The following DAG1 variants were observed in gnomAD, a reference collection of about 807,000 sequenced individuals.
DAG1 encodes the protein dystroglycan 1 (dystrophin-associated glycoprotein 1).
Under a neutral mutation model 46.1 loss-of-function variants are expected in DAG1, and 8 were observed. That is an observed-to-expected ratio of 0.17 (90% CI 0.10 to 0.31). The LOEUF is 0.31. Among genes scored for constraint, DAG1 ranks in the 10% least tolerant of loss-of-function variants. The pLI is 1.00. For synonymous variants in DAG1, 495 were observed against 481.8 expected, an observed-to-expected ratio of 1.03 and a Z score of -0.36; for missense variants, 1,003 against 1,189.9, an observed-to-expected ratio of 0.84 and a Z score of 2.31.
chr3:49,473,120 A>C (rs1186608016), intron 1 of DAG1, among the ~76,000 whole-genome samples: 1 of 144,268 alleles, frequency 6.9e-6, no homozygotes, highest in Non-Finnish European at 1.5e-5. Context: ...AATAAAAAAT[A>C]AAACAAAACA....
intron 2 of DAG1, among the ~76,000 whole-genome samples, chr3:49,522,465 C>A (rs1306637490): frequency 1.5e-5 from 2 of 136,824 alleles, no homozygotes; most frequent in Non-Finnish European, 3.2e-5. Flanking sequence ...CGCCCGCCCC[C>A]CTCCCACCCC....
chr3:49,525,713 C>T (rs1169584124), intron 2 of DAG1, among the ~76,000 whole-genome samples: 5 of 152,020 alleles, frequency 3.3e-5, no homozygotes, highest in Middle Eastern at 3.4e-3. Flanking sequence ...CGCCCGCCAC[C>T]TCGCCCCGCT....
At chr3:49,482,163 T>C (rs2049902811) in intron 1 of DAG1, among the ~76,000 whole-genome samples, 1 of 152,186 alleles carries the variant, frequency 6.6e-6, no homozygotes, top group Non-Finnish European at 1.5e-5. Context: ...GTCATCGCTA[T>C]TCTCTAGTCT....
intron 1 of DAG1, among the ~76,000 whole-genome samples, chr3:49,500,268 C>T (rs909500444): frequency 1.3e-5 from 2 of 152,140 alleles, no homozygotes; most frequent in East Asian, 1.9e-4. Flanking sequence ...GCCTCAGCCT[C>T]CAAAGTGCTG....
At position 49,524,062 on chromosome 3, in the gene DAG1, A is replaced by C. The variant is rs764215119; in HGVS notation, c.286-6735A>C. Among the ~76,000 whole-genome samples the C allele has an allele frequency of 2.2e-4, 33 of 152,210 alleles. 1 individual carries two copies. The highest frequency in any genetic ancestry group is 2.2e-3 in the Admixed American group (33 of 15,276). Reference sequence around the variant, plus strand: ...GAAGAAGAGAAGTGATCCAGAGCCTATAAGTTTTGAAAGCTGAGGAGGTAT... The same window carrying C: ...GAAGAAGAGAAGTGATCCAGAGCCTCTAAGTTTTGAAAGCTGAGGAGGTAT... On this transcript the variant is annotated intron_variant, in intron 2 of 2. Transcript: ENST00000308775.
chr3:49,489,599 G>A (rs1268479857), intron 1 of DAG1, among the ~76,000 whole-genome samples: 1 of 152,114 alleles, frequency 6.6e-6, no homozygotes, highest in African/African-American at 2.4e-5. Flanking sequence ...GAAGGTTCCT[G>A]GGAAGGGAAG....
rs1175841015 is a variant in DAG1, at chr3:49,534,510, TAAAA to T, written c.*1316_*1319del. 2.6e-5 allele frequency: 4 copies of T among 152,446 alleles called. No individual in the cohort carries two copies. Among genetic ancestry groups the T allele is most frequent in the Non-Finnish European group, 5.9e-5 (4 of 67,998 alleles). The allele number at this position is 152,446 out of a possible 1,614,324, so 9.4% of individuals were successfully genotyped here. A position where few individuals can be genotyped will look rare whatever the true frequency, so the allele number is the denominator to read the frequency against. On this transcript the variant is annotated 3_prime_UTR_variant, in exon 3 of 3. Coordinates refer to ENST00000308775, the MANE Select transcript of DAG1 (RefSeq NM_004393.6). The stretch of plus-strand genomic sequence containing the variant: ...TTTATACAGCCTCAAATTGTTTTAT[TAAAA>T]AAAAGATTTAAAATGGTGATGCTTA...
intron 1 of DAG1, among the ~76,000 whole-genome samples, chr3:49,504,974 T>TTC (rs1559561063): frequency 1.2e-4 from 5 of 41,130 alleles, no homozygotes; most frequent in African/African-American, 2.6e-4. Context: ...TCTTCTTCTT[T>TTC]TTTTTTTTTT....
intron 1 of DAG1, among the ~76,000 whole-genome samples, chr3:49,496,342 T>A (rs574596798): frequency 6.8e-6 from 1 of 147,450 alleles, no homozygotes; most frequent in Admixed American, 7.3e-5. Flanking sequence ...GCCAATTTTT[T>A]AAATTTTTAA....
At position 49,531,895 on chromosome 3, in the gene DAG1, G is replaced by T. The variant is rs959939471; in HGVS notation, c.1384G>T (p.Val462Phe). 1.9e-6 allele frequency: 3 copies of T among 1,614,074 alleles called. No individual in the cohort carries two copies. The highest frequency in any genetic ancestry group is 1.3e-5 in the African/African-American group (1 of 74,982). Residue 462 changes from valine to phenylalanine, a missense_variant, in exon 3 of 3, where the codon GTC becomes TTC. This residue lies in a region of DAG1 where 755 missense variants were observed against 854.1 expected (regional missense o/e 0.88). Coordinates refer to ENST00000308775, the MANE Select transcript of DAG1 (RefSeq NM_004393.6). This position sits in a 1 kb window ranked among gnomAD's most constrained non-coding sequence, Gnocchi z 7.0. ...KPRTPRPVPR[V>F]TTKVSITRLE... Reference sequence around the variant, plus strand: ...ACGGACACCCCGGCCAGTGCCCCGGGTCACCACCAAAGTTTCCATCACCAG... The same window carrying T: ...ACGGACACCCCGGCCAGTGCCCCGGTTCACCACCAAAGTTTCCATCACCAG...
At chr3:49,484,863 C>A (rs919386336) in intron 1 of DAG1, among the ~76,000 whole-genome samples, 4 of 151,554 alleles carry the variant, frequency 2.6e-5, no homozygotes, top group African/African-American at 9.7e-5. Context: ...ATGGCACGAT[C>A]TCTGCTCACT....
At chr3:49,495,145 A>G (rs1055546290) in intron 1 of DAG1, among the ~76,000 whole-genome samples, 36 of 152,260 alleles carry the variant, frequency 2.4e-4, no homozygotes, top group African/African-American at 8.2e-4. Flanking sequence ...CTGATCATCC[A>G]GCCCCCACAG....
At chr3:49,528,409 C>T (rs7638643) in intron 2 of DAG1, among the ~76,000 whole-genome samples, 21,061 of 149,626 alleles carry the variant, frequency 0.14, 1,645 homozygotes, top group Middle Eastern at 0.17. Flanking sequence ...ATCAGCCTCC[C>T]GACTAGCTGG....
intron 2 of DAG1, 29 bp from the exon 3 acceptor site, chr3:49,530,768 T>G (rs1197016311): frequency 1.2e-6 from 2 of 1,614,180 alleles, no homozygotes; most frequent in Non-Finnish European, 1.7e-6. Context: ...GACAATAGTA[T>G]TTTTAATTTA....
intron 2 of DAG1, among the ~76,000 whole-genome samples, chr3:49,519,109 C>A (rs904073717): frequency 3.9e-5 from 6 of 152,278 alleles, no homozygotes; most frequent in Non-Finnish European, 1.5e-5. Flanking sequence ...TATGAGCCAC[C>A]CTTGTCTCCC....
intron 1 of DAG1, among the ~76,000 whole-genome samples, chr3:49,472,377 G>T (rs2049546152): frequency 6.6e-6 from 1 of 152,150 alleles, no homozygotes; most frequent in Non-Finnish European, 1.5e-5. Context: ...TAAATTCCTT[G>T]TTGACTACCT....
rs775178758 is a variant in DAG1 at position 49,531,502 on chromosome 3, A to G, written c.991A>G (p.Ile331Val). ...TGCCATTGGGCCCCCAACCACGGCT[A>G]TCCAGGAGCCCCCATCCAGGATCGT... ...VTAIGPPTTA[I>V]QEPPSRIVPT... is the part of the protein sequence containing the mutation. The change falls in exon 3 of 3, where the codon ATC (isoleucine) becomes GTC (valine). Residue 331 changes from isoleucine (I) to valine (V), a missense_variant. Physicochemically the swap from Ile to Val is conservative, Grantham distance 29 (BLOSUM62 3). This residue lies in a region of DAG1 where 755 missense variants were observed against 854.1 expected (regional missense o/e 0.88). Transcript: ENST00000308775. The surrounding 1 kb of genome is among the most constrained non-coding windows in gnomAD (Gnocchi z 7.0). The G allele has an allele frequency of 1.2e-6, 2 of 1,612,750 alleles. No individual in the cohort carries two copies. The highest frequency in any genetic ancestry group is 1.3e-5 in the African/African-American group (1 of 74,824).
At position 49,484,712 on chromosome 3, in the gene DAG1, A is replaced by G. The variant is rs151080129; in HGVS notation, c.-117+14279A>G. Among the ~76,000 whole-genome samples the G allele has an allele frequency of 3.8e-3, 574 of 151,794 alleles. 7 individuals carry two copies. The highest frequency in any genetic ancestry group is 0.015 in the East Asian group (77 of 5,150). Reference sequence around the variant, plus strand: ...ACCCAAAGGCACAGTCCTCTGCCTCAGTGTCAGGCTTACTGTGGTCTCTGT... The same window carrying G: ...ACCCAAAGGCACAGTCCTCTGCCTCGGTGTCAGGCTTACTGTGGTCTCTGT... On this transcript the variant is annotated intron_variant, in intron 1 of 2. Transcript: ENST00000308775.
rs4855839 is a variant in DAG1, at chr3:49,470,414, G to A, written c.-136G>A. 66,434 of 152,058 alleles carry A rather than the reference G, an allele frequency of 0.44. 15,821 individuals carry two copies. The highest frequency in any genetic ancestry group is 0.93 in the East Asian group (4,805 of 5,166). The allele number at this position is 152,058 out of a possible 1,614,324, so 9.4% of individuals were successfully genotyped here. A position where few individuals can be genotyped will look rare whatever the true frequency, so the allele number is the denominator to read the frequency against. On this transcript the variant is annotated 5_prime_UTR_variant, in exon 1 of 3. Coordinates refer to ENST00000308775, the MANE Select transcript of DAG1 (RefSeq NM_004393.6). ...GCCAGGAGGAGCGAACACCTGCCGC[G>A]GTCCTCCCGCCGGCGCTGGGTGAGT...
Sources: allele counts gnomAD v4.1 joint callset (sites outside exome capture counted in the v4.1 genomes callset), GRCh38; gene constraint gnomAD v4.1.1; regional missense constraint gnomAD v4.1.1; non-coding constraint Gnocchi (gnomAD v3.1); transcripts MANE v1.5; gene names NCBI Gene and HGNC (gene_info 2026-07-23, HGNC 2026-07-21).